KCNMA1: variants seen among roughly 807,000 people sequenced by gnomAD.
The protein encoded by KCNMA1 is potassium calcium-activated channel subfamily M alpha 1, also known as Calcium-activated potassium channel subunit alpha-1.
In KCNMA1, 29 loss-of-function variants were observed where a neutral mutation model predicts 140.0. The ratio of observed to expected loss-of-function variants is 0.21; its 90% CI spans 0.15 to 0.28. KCNMA1 has a LOEUF of 0.28. KCNMA1 is among the 10% of genes least tolerant of loss of function. KCNMA1 has a pLI of 1.00. For missense variants in KCNMA1, 880 were observed against 1,602.2 expected (o/e 0.55, Z 7.70); for synonymous variants, 612 against 611.9 (o/e 1.00, Z 0.00).
At position 77,001,564 on chromosome 10, in the gene KCNMA1, G is replaced by T. The variant is rs1473587265; in HGVS notation, c.2109C>A (p.Tyr703Ter). ...CGCKRPKMSI[Y>*]KRMRRACCFD... ...AACAACATGCCCGTCTCATTCTCTTGTAGATGGACATCTTGGCTATAACCG... is the reference window on the plus strand; with the variant it reads ...AACAACATGCCCGTCTCATTCTCTTTTAGATGGACATCTTGGCTATAACCG... The change falls in exon 19 of 28, where the codon TAC (tyrosine) becomes TAA (stop). Residue 703 changes from tyrosine to a stop codon, truncating the protein, a stop_gained. Coordinates refer to ENST00000286628, the MANE Select transcript of KCNMA1 (RefSeq NM_001161352.2). LOFTEE classifies it high-confidence loss of function. The T allele has an allele frequency of 7.1e-6, 11 of 1,551,786 alleles. No homozygotes were observed. The highest frequency in any genetic ancestry group is 9.6e-6 in the Non-Finnish European group (11 of 1,146,716).
chr10:77,242,317 A>G (rs1057242569), intron 3 of KCNMA1, among the ~76,000 whole-genome samples: 1 of 152,194 alleles, frequency 6.6e-6, no homozygotes, highest in African/African-American at 2.4e-5. Flanking sequence ...CCCTAATCTC[A>G]GTAGCTGATT....
chr10:76,974,424 G>A (rs554958308), intron 19 of KCNMA1: 1 of 972,112 alleles, frequency 1.0e-6, no homozygotes, highest in East Asian at 2.6e-5. Context: ...GCATGGTAAA[G>A]TAGAATGTTG....
chr10:77,089,365 G>A (rs748988175), intron 10 of KCNMA1, among the ~76,000 whole-genome samples: 11 of 152,146 alleles, frequency 7.2e-5, no homozygotes, highest in South Asian at 2.1e-4. Flanking sequence ...TGGACTTTGC[G>A]ATGTGGTGCC....
chr10:77,533,171 T>C (rs2058087005), intron 1 of KCNMA1, among the ~76,000 whole-genome samples: 1 of 152,180 alleles, frequency 6.6e-6, no homozygotes, highest in Admixed American at 6.5e-5. Context: ...ATGACAGTGC[T>C]TTCATCCCTC....
intron 15 of KCNMA1, 34 bp downstream of exon 15, chr10:77,039,494 A>G (rs1449782526): frequency 7.8e-7 from 1 of 1,274,858 alleles, no homozygotes. Flanking sequence ...AATATCCCTG[A>G]AAGCCAAAGA....
chr10:77,542,458 A>G (rs908314847), intron 1 of KCNMA1, among the ~76,000 whole-genome samples: 1 of 152,208 alleles, frequency 6.6e-6, no homozygotes. Context: ...GGGAAACTTA[A>G]AATGGATCCC....
In KCNMA1 at chr10:76,941,071, AAG is replaced by A. The variant is rs1176434339; in HGVS notation, c.2902+3700_2902+3701del. On this transcript the variant is annotated intron_variant, in intron 23 of 27. Coordinates refer to ENST00000286628, the MANE Select transcript of KCNMA1 (RefSeq NM_001161352.2). ...AAAGAAAGAGAAAGAAAGAAAGAAA[AAG>A]AAAGAAAGAAAGAGAAAGAAAGAAA... 4.3e-5 allele frequency among the ~76,000 whole-genome samples: 4 copies of A among 93,084 alleles called. No homozygotes were observed. In the East Asian group the frequency reaches 1.6e-3, roughly 38 times the overall value. The allele number at this position is 93,084 out of a possible 152,430, so 61.1% of individuals were successfully genotyped here.
intron 25 of KCNMA1, chr10:76,903,466 A>ATT: frequency 6.6e-6 from 1 of 150,996 alleles, no homozygotes; most frequent in Non-Finnish European, 1.5e-5. Context: ...AAATGATTGG[A>ATT]TTTTTTTTTC....
intron 2 of KCNMA1, among the ~76,000 whole-genome samples, chr10:77,262,286 T>C (rs1247123966): frequency 6.6e-6 from 1 of 152,208 alleles, no homozygotes; most frequent in Admixed American, 6.6e-5. Context: ...GAAGACATTA[T>C]GCTAAGTGAA....
intron 19 of KCNMA1, among the ~76,000 whole-genome samples, chr10:76,993,171 T>A (rs1037286820): frequency 2.0e-5 from 3 of 152,158 alleles, no homozygotes; most frequent in Non-Finnish European, 4.4e-5. Flanking sequence ...CACCAGCAGG[T>A]GAGAGCTGCC....
chr10:76,896,894 G>C (rs1284720860), intron 25 of KCNMA1, among the ~76,000 whole-genome samples: 1 of 151,756 alleles, frequency 6.6e-6, no homozygotes, highest in Non-Finnish European at 1.5e-5. Flanking sequence ...CACTTTAAAT[G>C]GATGAGTTGT....
chr10:77,143,119 G>A (rs942134850), intron 5 of KCNMA1, among the ~76,000 whole-genome samples: 2 of 151,200 alleles, frequency 1.3e-5, no homozygotes, highest in Non-Finnish European at 3.0e-5. Flanking sequence ...ATTATGAAAA[G>A]AAAAAAAATT....
intron 5 of KCNMA1, among the ~76,000 whole-genome samples, chr10:77,142,110 GT>G (rs951689648): frequency 4.6e-5 from 7 of 152,194 alleles, no homozygotes; most frequent in African/African-American, 1.7e-4. Context: ...GCTCATGCCT[GT>G]AATCCCAGCA....
At chr10:76,961,217 G>C (rs1907742) in intron 20 of KCNMA1, among the ~76,000 whole-genome samples, 40,931 of 150,992 alleles carry the variant, frequency 0.27, 5,670 homozygotes, top group East Asian at 0.47. Context: ...GAGTTTGGAA[G>C]AAGTGAATTC....
Position 76,953,454 on chromosome 10 carries a change from A to G in KCNMA1, c.2484+347T>C, listed in dbSNP as rs182615635. 1.6e-4 allele frequency among the ~76,000 whole-genome samples: 25 copies of G among 152,290 alleles called. No individual in the cohort carries two copies. In the East Asian group the frequency reaches 4.4e-3, roughly 27 times the overall value. ...AGAAAACCGAAGTGCAAAAAGTCAA[A>G]TGAATTACCCAAGCCATGCAGCTAA... On this transcript the variant is annotated intron_variant, in intron 21 of 27. Coordinates refer to ENST00000286628, the MANE Select transcript of KCNMA1 (RefSeq NM_001161352.2).
intron 2 of KCNMA1, among the ~76,000 whole-genome samples, chr10:77,314,923 A>AAC (rs3998084): frequency 0.11 from 16,180 of 146,056 alleles, 1,025 homozygotes; most frequent in East Asian, 0.29. Context: ...CCACACCCCC[A>AAC]ACACACACAC....
At chr10:77,242,803 T>C (rs1355163583) in intron 3 of KCNMA1, among the ~76,000 whole-genome samples, 5 of 151,968 alleles carry the variant, frequency 3.3e-5, no homozygotes. Context: ...CACAGACAGC[T>C]CTCAGCCTCA....
chr10:77,461,364 T>C (rs2097863808), intron 1 of KCNMA1, among the ~76,000 whole-genome samples: 2 of 152,090 alleles, frequency 1.3e-5, no homozygotes, highest in South Asian at 4.2e-4. Context: ...TGTTTCGCTG[T>C]AGAATTTCAT....
chr10:77,147,702 A>T (rs1311742061), intron 5 of KCNMA1: 1 of 152,146 alleles, frequency 6.6e-6, no homozygotes, highest in East Asian at 1.9e-4. Context: ...CCCTTATCCC[A>T]CTTCCCATGG....
Sources: gnomAD v4.1 joint callset for allele counts (sites outside exome capture counted in the v4.1 genomes callset) on GRCh38, gnomAD v4.1.1 for gene constraint, MANE v1.5 for transcripts, NCBI Gene and HGNC (gene_info 2026-07-23, HGNC 2026-07-21) for gene names.